The following RALB variants were observed in gnomAD, a reference collection of about 807,000 sequenced individuals.
The protein encoded by RALB is RAS like proto-oncogene B, also known as ras-related protein Ral-B.
A neutral mutation model predicts 21.3 loss-of-function variants in RALB; 16 were observed. The ratio of observed to expected loss-of-function variants is 0.75; its 90% CI spans 0.51 to 1.14. The LOEUF (loss-of-function observed/expected upper bound fraction) is 1.14, where lower values mean the gene tolerates loss of function less well. Among genes scored for constraint, RALB ranks in the 50% most tolerant of loss-of-function variants. The pLI is 0.00. For synonymous variants in RALB, 93 were observed against 96.1 expected, an observed-to-expected ratio of 0.97 and a Z score of 0.19; for missense variants, 161 against 256.2, an observed-to-expected ratio of 0.63 and a Z score of 2.54.
chr2:120,251,797 T>C (rs187489026), upstream of RALB, among the ~76,000 whole-genome samples: 2 of 152,346 alleles, frequency 1.3e-5, no homozygotes, highest in East Asian at 3.9e-4. Context: ...AGGATATTCT[T>C]CTGATTGCAC....
At chr2:120,287,701 C>T (rs988728308) in intron 3 of RALB, among the ~76,000 whole-genome samples, 1 of 152,212 alleles carries the variant, frequency 6.6e-6, no homozygotes, top group Non-Finnish European at 1.5e-5. Flanking sequence ...AGCACTCGGG[C>T]GTTCTCACAG....
chr2:120,281,573 G>A (rs1321622534), intron 2 of RALB, among the ~76,000 whole-genome samples: 1 of 152,134 alleles, frequency 6.6e-6, no homozygotes, highest in Non-Finnish European at 1.5e-5. Context: ...CCTGGGTCAT[G>A]CTCCCCATGT....
At chr2:120,253,011 G>C (rs1410011871) in intron 1 of RALB, 31 bp downstream of exon 1, 1 of 982,634 alleles carries the variant, frequency 1.0e-6, no homozygotes, top group Non-Finnish European at 1.2e-6. Flanking sequence ...GGCCCCGGGC[G>C]GGGTGGGGCG....
chr2:120,285,694 G>A (rs913228532), intron 2 of RALB, among the ~76,000 whole-genome samples, 180 bp from the exon 3 acceptor site: 1 of 152,190 alleles, frequency 6.6e-6, no homozygotes, highest in African/African-American at 2.4e-5. Context: ...ATATCTGCCT[G>A]TATTGTTTAA....
intron 4 of RALB, among the ~76,000 whole-genome samples, chr2:120,290,355 T>C (rs1690278119): frequency 6.6e-6 from 1 of 152,194 alleles, no homozygotes; most frequent in African/African-American, 2.4e-5. Flanking sequence ...TTGTGAAGGC[T>C]GGGCTGGAGG....
intron 2 of RALB, among the ~76,000 whole-genome samples, chr2:120,281,919 G>C (rs967299853): frequency 2.2e-4 from 34 of 152,148 alleles, no homozygotes; most frequent in African/African-American, 7.7e-4. Flanking sequence ...GGGAATATTC[G>C]TAAGTGCCTG....
At chr2:120,259,229 T>G (rs902428137) in intron 1 of RALB, among the ~76,000 whole-genome samples, 13 of 152,254 alleles carry the variant, frequency 8.5e-5, no homozygotes, top group Non-Finnish European at 1.8e-4. Flanking sequence ...TTGCCAATGC[T>G]GGCTCGGGCA....
At position 120,294,149 on chromosome 2, in the gene RALB, C is replaced by T. The variant is rs151230692; in HGVS notation, c.*889C>T. The T allele has an allele frequency of 1.3e-5, 5 of 398,620 alleles. No homozygotes were observed. In the East Asian group the frequency reaches 1.8e-4, roughly 14 times the overall value. 24.7% of individuals were successfully genotyped at this position (398,620 alleles called of 1,614,324 possible). A position where few individuals can be genotyped will look rare whatever the true frequency, so the allele number is the denominator to read the frequency against. On this transcript the variant is annotated 3_prime_UTR_variant, in exon 5 of 5. Transcript: ENST00000272519. ...TGTGTCTGTCTGATCAGCATCACTG[C>T]ACACGGAGGTCTAGTGAGCCTCTTG...
At chr2:120,278,856 G>A in intron 2 of RALB, 78 bp downstream of exon 2, 23 of 1,332,548 alleles carry the variant, frequency 1.7e-5, no homozygotes, top group Admixed American at 6.2e-5. Context: ...TTTCTGTGCC[G>A]GTCCTCCCGT....
In RALB at chr2:120,290,246, C is replaced by T. The variant is rs1044907196; in HGVS notation, c.501+489C>T. ...TCAAGTGATCTGCCTGCCTCAGCCT[C>T]CCAAAGTGCTGGGATTACAGGTGTG... On this transcript the variant is annotated intron_variant, in intron 4 of 4. Transcript: ENST00000272519. Among the ~76,000 whole-genome samples, 3 of 152,238 alleles carry T rather than the reference C, an allele frequency of 2.0e-5. No individual in the cohort carries two copies. In the South Asian group the frequency reaches 6.2e-4, roughly 32 times the overall value.
intron 1 of RALB, among the ~76,000 whole-genome samples, chr2:120,241,438 A>G (rs1688893314): frequency 6.6e-6 from 1 of 152,238 alleles, no homozygotes; most frequent in African/African-American, 2.4e-5. Context: ...TTAAAAGAGC[A>G]GAGAGGGCCA....
chr2:120,253,080 CTGTGGCCGGGCG>C, intron 1 of RALB, 100 bp downstream of exon 1: 1 of 818,600 alleles, frequency 1.2e-6, no homozygotes, highest in Non-Finnish European at 1.5e-6. Context: ...CCGTGCCGGG[CTGTGGCCGGGCG>C]GCGGCAGGAC....
intron 1 of RALB, among the ~76,000 whole-genome samples, chr2:120,278,178 A>C (rs537616355): frequency 1.3e-5 from 2 of 152,122 alleles, no homozygotes; most frequent in Non-Finnish European, 2.9e-5. Context: ...GTTGTGGGGT[A>C]GAGGGTAAGA....
chr2:120,282,059 T>C (rs572358060), intron 2 of RALB, among the ~76,000 whole-genome samples: 79 of 152,210 alleles, frequency 5.2e-4, no homozygotes, highest in Non-Finnish European at 8.7e-4. Flanking sequence ...GCACAAAATA[T>C]CCACAATGCC....
At chr2:120,290,556 C>T (rs1467998021) in intron 4 of RALB, among the ~76,000 whole-genome samples, 1 of 151,886 alleles carries the variant, frequency 6.6e-6, no homozygotes, top group Non-Finnish European at 1.5e-5. Flanking sequence ...TGTTCACTGA[C>T]AGAGCCACAG....
intron 1 of RALB, among the ~76,000 whole-genome samples, chr2:120,277,789 CTGTGATAGTG>C (rs1401914382): frequency 1.4e-5 from 2 of 146,688 alleles, no homozygotes; most frequent in Non-Finnish European, 3.0e-5. Flanking sequence ...ATGTGTGAGC[CTGTGATAGTG>C]TGTGAGAGCG....
At chr2:120,269,469 C>T (rs553884530) in intron 1 of RALB, among the ~76,000 whole-genome samples, 2 of 149,608 alleles carry the variant, frequency 1.3e-5, no homozygotes, top group Non-Finnish European at 2.9e-5. Flanking sequence ...TTTGGCCACA[C>T]CCATGTCCTG....
At chr2:120,276,611 GAA>G (rs1329782756) in intron 1 of RALB, among the ~76,000 whole-genome samples, 1 of 137,024 alleles carries the variant, frequency 7.3e-6, no homozygotes. Context: ...TCAAAAAAAA[GAA>G]AAAAAAAAAA....
chr2:120,244,056 A>G (rs1688932351), intron 1 of RALB, among the ~76,000 whole-genome samples: 1 of 152,196 alleles, frequency 6.6e-6, no homozygotes, highest in Non-Finnish European at 1.5e-5. Context: ...GTGAAGGGGA[A>G]GCAGGCACAT....
Sources: gnomAD v4.1 joint callset for allele counts (sites outside exome capture counted in the v4.1 genomes callset) on GRCh38, gnomAD v4.1.1 for gene constraint, MANE v1.5 for transcripts, NCBI Gene and HGNC (gene_info 2026-07-23, HGNC 2026-07-21) for gene names.